The following ITPR3 variants were observed in gnomAD, a reference collection of about 807,000 sequenced individuals.
ITPR3 encodes the protein inositol 1,4,5-trisphosphate receptor type 3.
In ITPR3, 173 loss-of-function variants were observed where a neutral mutation model predicts 293.2. The observed-to-expected ratio is 0.59, with a 90% CI of 0.52 to 0.67. The LOEUF (loss-of-function observed/expected upper bound fraction) is 0.67, where lower values mean the gene tolerates loss of function less well. Ranked by LOEUF, ITPR3 falls within the 30% of genes least tolerant of loss-of-function variation. The pLI is 0.00. For synonymous variants in ITPR3, 1,295 were observed against 1,444.4 expected (o/e 0.90, Z 2.35); for missense variants, 2,796 against 3,592.1 (o/e 0.78, Z 5.66).
rs1764743734 is a variant in ITPR3 at position 33,670,930 on chromosome 6, T to C, written c.2586+115T>C. ...GGATCCATGACCCCACTTCCTTCTG[T>C]GTCCCCAGCCAGTGCAGGGGGACCG... On this transcript the variant is annotated intron_variant, in intron 20 of 57. Transcript: ENST00000605930. The surrounding 1 kb of genome is among the most constrained non-coding windows in gnomAD (Gnocchi z 6.7). The C allele has an allele frequency of 2.1e-6, 3 of 1,406,470 alleles. No homozygotes were observed. Among genetic ancestry groups the C allele is most frequent in the Non-Finnish European group, 2.9e-6 (3 of 1,030,748 alleles). 87.1% of individuals were successfully genotyped at this position (1,406,470 alleles called of 1,614,324 possible).
At chr6:33,639,374 G>T (rs1230735221) in intron 1 of ITPR3, among the ~76,000 whole-genome samples, 5 of 119,094 alleles carry the variant, frequency 4.2e-5, no homozygotes, top group African/African-American at 7.3e-5. Context: ...GTGAAACTCT[G>T]TCTCAAAAAA....
intron 11 of ITPR3, 44 bp downstream of exon 11, chr6:33,663,924 G>T (rs779975520): frequency 1.9e-6 from 3 of 1,608,536 alleles, no homozygotes; most frequent in South Asian, 2.2e-5. Context: ...GTGGTGCTCA[G>T]GGTGGGCCCT....
intron 56 of ITPR3, 81 bp downstream of exon 56, chr6:33,693,786 T>C (rs1364610041): frequency 2.7e-6 from 4 of 1,503,312 alleles, no homozygotes; most frequent in Non-Finnish European, 3.6e-6. Context: ...GGCCTCATGG[T>C]TTTAGCTTCT....
chr6:33,644,940 A>G (rs1764031652), intron 2 of ITPR3, among the ~76,000 whole-genome samples: 1 of 151,088 alleles, frequency 6.6e-6, no homozygotes, highest in African/African-American at 2.4e-5. Context: ...TTGGGATTAC[A>G]GGTATGAGCC....
Position 33,667,367 on chromosome 6 carries a change from C to G in ITPR3, c.1713+77C>G. 1 of 1,507,624 alleles carries G rather than the reference C, an allele frequency of 6.6e-7. No individual in the cohort carries two copies. The highest frequency in any genetic ancestry group is 8.9e-7 in the Non-Finnish European group (1 of 1,122,264). The allele number at this position is 1,507,624 out of a possible 1,614,324, so 93.4% of individuals were successfully genotyped here. A position where few individuals can be genotyped will look rare whatever the true frequency, so the allele number is the denominator to read the frequency against. On this transcript the variant is annotated intron_variant, in intron 15 of 57. Transcript: ENST00000605930. The surrounding 1 kb of genome is among the most constrained non-coding windows in gnomAD (Gnocchi z 4.4). ...CAAGCGATTTCCTCAGGCACATGTG[C>G]TGTGCCAGGCACTGTTTTGGGGCCT...
At chr6:33,646,997 CA>C (rs1764085114) in intron 2 of ITPR3, among the ~76,000 whole-genome samples, 1 of 152,080 alleles carries the variant, frequency 6.6e-6, no homozygotes, top group Admixed American at 6.6e-5. Context: ...CTACAAATTA[CA>C]TAGTAATTTG....
intron 1 of ITPR3, among the ~76,000 whole-genome samples, chr6:33,623,697 A>G (rs953495476): frequency 2.0e-5 from 3 of 152,030 alleles, no homozygotes; most frequent in African/African-American, 7.2e-5. Context: ...ACTCCCTCAC[A>G]AAGGATTCCC....
At chr6:33,685,294 C>A in intron 39 of ITPR3, 65 bp from the exon 40 acceptor site, 4 of 1,466,934 alleles carry the variant, frequency 2.7e-6, no homozygotes, top group Non-Finnish European at 3.8e-6. Context: ...GTGTGCCTGC[C>A]CCACGCCCTG....
rs553259533 is a variant in ITPR3, at chr6:33,671,276, G to A, written c.2698G>A (p.Ala900Thr). 2.5e-6 allele frequency: 4 copies of A among 1,613,486 alleles called. No homozygotes were observed. The highest frequency in any genetic ancestry group is 2.2e-5 in the South Asian group (2 of 91,080). Residue 900 changes from alanine (A) to threonine (T), a missense_variant, in exon 21 of 58, where the codon GCC becomes ACC. By Grantham distance (58) the Ala-to-Thr change is moderately conservative. This residue lies in a region of ITPR3 where 955 missense variants were observed against 1,180.8 expected (regional missense o/e 0.81). Transcript: ENST00000605930. ...CATCGACTGTGTGCAGGGGCCCCCG[G>A]CCATGCTGCAGGCCTATGAGGACCC... is the stretch of plus-strand genomic sequence containing the variant. ...GIIDCVQGPP[A>T]MLQAYEDPGG...
At chr6:33,681,167 A>T (rs771376832) in intron 33 of ITPR3, among the ~76,000 whole-genome samples, 10 of 152,226 alleles carry the variant, frequency 6.6e-5, no homozygotes, top group Non-Finnish European at 1.5e-4. Context: ...CCCCAAACCT[A>T]GCAGTTAAAA....
chr6:33,626,909 G>A (rs951797842), intron 1 of ITPR3, among the ~76,000 whole-genome samples: 7 of 152,148 alleles, frequency 4.6e-5, no homozygotes, highest in Admixed American at 1.3e-4. Flanking sequence ...AGGTTCAAGC[G>A]ATTCTCCTGC....
At position 33,691,527 on chromosome 6, in the gene ITPR3, T is replaced by C; in HGVS notation, c.7226-88T>C. The C allele has an allele frequency of 1.8e-6, 2 of 1,112,456 alleles. No homozygotes were observed. The highest frequency in any genetic ancestry group is 2.7e-6 in the Non-Finnish European group (2 of 754,122). The allele number at this position is 1,112,456 out of a possible 1,614,324, so 68.9% of individuals were successfully genotyped here. ...GCTGGCGATCCAGGACCAGGGAAGG[T>C]TTCCTGGAGGATGTGACACTGGGGA... On this transcript the variant is annotated intron_variant, in intron 52 of 57. Coordinates refer to ENST00000605930, the MANE Select transcript of ITPR3 (RefSeq NM_002224.4). This position sits in a 1 kb window ranked among gnomAD's most constrained non-coding sequence, Gnocchi z 4.9.
chr6:33,626,217 G>A (rs930332129), intron 1 of ITPR3, among the ~76,000 whole-genome samples: 1 of 152,186 alleles, frequency 6.6e-6, no homozygotes, highest in African/African-American at 2.4e-5. Flanking sequence ...TTACAGGCAT[G>A]AGCCGCCGTG....
rs1056452626 is a variant in ITPR3 at position 33,679,435 on chromosome 6, C to T, written c.3973-447C>T. ...GGAGATTAGGACATCATAAACAAGA[C>T]ATGATGTGCTGGAACTGCTGTACAG... On this transcript the variant is annotated intron_variant, in intron 30 of 57. Coordinates refer to ENST00000605930, the MANE Select transcript of ITPR3 (RefSeq NM_002224.4). This position sits in a 1 kb window ranked among gnomAD's most constrained non-coding sequence, Gnocchi z 4.2. 1.3e-5 allele frequency among the ~76,000 whole-genome samples: 2 copies of T among 152,234 alleles called. No homozygotes were observed. The highest frequency in any genetic ancestry group is 2.9e-5 in the Non-Finnish European group (2 of 68,050).
Position 33,693,816 on chromosome 6 carries a change from G to A in ITPR3, c.7785+111G>A, listed in dbSNP as rs1268971966. On this transcript the variant is annotated intron_variant, in intron 56 of 57. Coordinates refer to ENST00000605930, the MANE Select transcript of ITPR3 (RefSeq NM_002224.4). ...GCTTCTGAGTACCCTGGGCCCTGGA[G>A]AGGAGTGGCCCTATCTGACTGTTGG... 3 of 1,284,936 alleles carry A rather than the reference G, an allele frequency of 2.3e-6. 1 individual carries two copies. The highest frequency in any genetic ancestry group is 3.2e-6 in the Non-Finnish European group (3 of 925,140). The allele number at this position is 1,284,936 out of a possible 1,614,324, so 79.6% of individuals were successfully genotyped here.
At position 33,691,865 on chromosome 6, in the gene ITPR3, C is replaced by T. The variant is rs763226777; in HGVS notation, c.7395C>T (p.Val2465=). 6.2e-7 allele frequency: 1 copy of T among 1,614,154 alleles called. No homozygotes were observed. The highest frequency in any genetic ancestry group is 8.5e-7 in the Non-Finnish European group (1 of 1,180,018). ...CTCTGTTGATGTGCATCGTCACTGT[C>T]ATGAACCATGGGCTACGCAACGGTG... ...CDTLLMCIVT[V]MNHGLRNGGG... is the part of the protein sequence containing the mutation. Residue 2465 remains valine (V), a synonymous_variant, in exon 54 of 58, where the codon GTC becomes GTT. Coordinates refer to ENST00000605930, the MANE Select transcript of ITPR3 (RefSeq NM_002224.4). The surrounding 1 kb of genome is among the most constrained non-coding windows in gnomAD (Gnocchi z 4.9).
intron 3 of ITPR3, among the ~76,000 whole-genome samples, chr6:33,656,775 C>T (rs1764316727): frequency 6.6e-6 from 1 of 152,216 alleles, no homozygotes; most frequent in Non-Finnish European, 1.5e-5. Flanking sequence ...CCTGTTGCCC[C>T]ACCCCTTGTC....
At chr6:33,673,496 C>A in intron 22 of ITPR3, 95 bp from the exon 23 acceptor site, 1 of 1,515,312 alleles carries the variant, frequency 6.6e-7, no homozygotes, top group Admixed American at 1.9e-5. Flanking sequence ...TATTTGGGGG[C>A]TCCCTGCCCC....
At chr6:33,693,807 G>C in intron 56 of ITPR3, 102 bp downstream of exon 56, 1 of 1,386,268 alleles carries the variant, frequency 7.2e-7, no homozygotes, top group Non-Finnish European at 9.9e-7. Flanking sequence ...GAGTACCCTG[G>C]GCCCTGGAGA....
Sources: allele counts gnomAD v4.1 joint callset (sites outside exome capture counted in the v4.1 genomes callset), GRCh38; gene constraint gnomAD v4.1.1; regional missense constraint gnomAD v4.1.1; non-coding constraint Gnocchi (gnomAD v3.1); transcripts MANE v1.5; gene names NCBI Gene and HGNC (gene_info 2026-07-23, HGNC 2026-07-21).